The following RAB38 variants were observed in gnomAD, a reference collection of about 807,000 sequenced individuals.
RAB38 encodes the protein RAB38, member RAS oncogene family.
A neutral mutation model predicts 18.4 loss-of-function variants in RAB38; 15 were observed. The ratio of observed to expected loss-of-function variants is 0.82; its 90% CI spans 0.55 to 1.26. The LOEUF (loss-of-function observed/expected upper bound fraction) is 1.26, where lower values mean the gene tolerates loss of function less well. Ranked by LOEUF, RAB38 falls within the 50% of genes most tolerant of loss-of-function variation. The probability of loss-of-function intolerance (pLI) is 0.00; values close to 1 mark genes in which losing one functional copy is unlikely to be tolerated. For missense variants in RAB38, 294 were observed against 267.4 expected (o/e 1.10, Z -0.69); for synonymous variants, 101 against 104.4 (o/e 0.97, Z 0.20).
chr11:88,148,360 A>AT (rs1943018008), intron 2 of RAB38, among the ~76,000 whole-genome samples: 1 of 152,130 alleles, frequency 6.6e-6, no homozygotes, highest in South Asian at 2.1e-4. Flanking sequence ...TGCTTGCTTA[A>AT]TTGTGCTGGT....
At chr11:87,949,755 C>T in the RAB38 span, among the ~76,000 whole-genome samples, 11 of 152,124 alleles carry the variant, frequency 7.2e-5, no homozygotes, top group Non-Finnish European at 1.6e-4. Context: ...ATCTGAGAGA[C>T]AGTTTGTTAT....
the RAB38 span, among the ~76,000 whole-genome samples, chr11:87,948,207 G>T: frequency 1.3e-5 from 2 of 152,174 alleles, no homozygotes; most frequent in South Asian, 2.1e-4. Flanking sequence ...GTCTGTTATT[G>T]GTGTATAAGA....
At chr11:88,024,331 T>G in the RAB38 span, among the ~76,000 whole-genome samples, 1 of 152,176 alleles carries the variant, frequency 6.6e-6, no homozygotes, top group Non-Finnish European at 1.5e-5. Flanking sequence ...AAAACTATAA[T>G]GAACTATCAC....
chr11:87,829,027 T>A, the RAB38 span, among the ~76,000 whole-genome samples: 1 of 152,362 alleles, frequency 6.6e-6, no homozygotes, highest in East Asian at 1.9e-4. Context: ...GAAAGTACTC[T>A]GACAAATATC....
chr11:87,850,106 T>C, the RAB38 span, among the ~76,000 whole-genome samples: 6 of 152,248 alleles, frequency 3.9e-5, no homozygotes, highest in East Asian at 9.7e-4. Flanking sequence ...CATTAAAATC[T>C]TGAAAAGTTA....
the RAB38 span, among the ~76,000 whole-genome samples, chr11:88,084,652 T>G: frequency 1.3e-5 from 2 of 151,922 alleles, no homozygotes; most frequent in African/African-American, 2.4e-5. Flanking sequence ...CTTCTCTGAC[T>G]CTTTTTCTTC....
chr11:88,028,753 T>C, the RAB38 span, among the ~76,000 whole-genome samples: 3 of 152,168 alleles, frequency 2.0e-5, no homozygotes, highest in African/African-American at 2.4e-5. Context: ...CTACGTCTGA[T>C]TGGTGTACAT....
At chr11:88,121,592 T>A (rs1485410820) in intron 2 of RAB38, among the ~76,000 whole-genome samples, 1 of 151,704 alleles carries the variant, frequency 6.6e-6, no homozygotes, top group African/African-American at 2.4e-5. Flanking sequence ...AGACGGAGCC[T>A]CGCTCTGTCG....
the RAB38 span, among the ~76,000 whole-genome samples, chr11:88,060,834 C>T: frequency 4.6e-5 from 7 of 152,124 alleles, no homozygotes; most frequent in Non-Finnish European, 1.0e-4. Context: ...AAAAATCTAG[C>T]AGGTTATCTA....
chr11:88,140,655 G>A (rs1252302681), intron 2 of RAB38, among the ~76,000 whole-genome samples: 3 of 152,174 alleles, frequency 2.0e-5, no homozygotes, highest in African/African-American at 4.8e-5. Flanking sequence ...ATAAAGCTAG[G>A]AGGCACGTTC....
chr11:88,080,234 A>G, the RAB38 span, among the ~76,000 whole-genome samples: 1 of 151,754 alleles, frequency 6.6e-6, no homozygotes, highest in Non-Finnish European at 1.5e-5. Context: ...AAAACAAAAC[A>G]AAAAAATTAT....
the RAB38 span, among the ~76,000 whole-genome samples, chr11:88,094,351 A>G: frequency 1.3e-5 from 2 of 151,880 alleles, no homozygotes; most frequent in African/African-American, 4.8e-5. Flanking sequence ...ACATGGATCA[A>G]TTTTCTAATA....
At chr11:88,116,018 CT>C (rs1028021010) in intron 2 of RAB38, among the ~76,000 whole-genome samples, 1 of 152,232 alleles carries the variant, frequency 6.6e-6, no homozygotes, top group African/African-American at 2.4e-5. Flanking sequence ...GCCCCATCCC[CT>C]GTTGGGCAAC....
the RAB38 span, among the ~76,000 whole-genome samples, chr11:88,012,791 G>T: frequency 1.8e-4 from 27 of 152,212 alleles, no homozygotes; most frequent in Middle Eastern, 3.4e-3. Flanking sequence ...GTCCCAGTGG[G>T]TGCTTGAACA....
At chr11:88,127,522 G>C (rs1311572382) in intron 2 of RAB38, among the ~76,000 whole-genome samples, 1 of 152,118 alleles carries the variant, frequency 6.6e-6, no homozygotes, top group Non-Finnish European at 1.5e-5. Context: ...AGAGTAGAGG[G>C]GTTTGTGGAA....
the RAB38 span, among the ~76,000 whole-genome samples, chr11:87,829,851 T>C: frequency 6.6e-6 from 1 of 152,198 alleles, no homozygotes; most frequent in Non-Finnish European, 1.5e-5. Flanking sequence ...TCAACTTTAC[T>C]AATAGCACAT....
At chr11:88,030,472 A>T in the RAB38 span, among the ~76,000 whole-genome samples, 3 of 152,154 alleles carry the variant, frequency 2.0e-5, no homozygotes, top group Non-Finnish European at 4.4e-5. Context: ...CAAAATTGAT[A>T]GACTGCTAGC....
chr11:87,833,669 T>G, the RAB38 span, among the ~76,000 whole-genome samples: 1 of 152,348 alleles, frequency 6.6e-6, no homozygotes, highest in Admixed American at 6.5e-5. Flanking sequence ...GTGAAGAAAC[T>G]GAAGTACAGA....
chr11:88,151,933 C>A (rs57637753), intron 1 of RAB38, among the ~76,000 whole-genome samples: 1 of 152,182 alleles, frequency 6.6e-6, no homozygotes, highest in Non-Finnish European at 1.5e-5. Context: ...GTATTTCTTA[C>A]GTGGGTTATA....
Sources: allele counts gnomAD v4.1 joint callset (sites outside exome capture counted in the v4.1 genomes callset), GRCh38; gene constraint gnomAD v4.1.1; transcripts MANE v1.5; gene names NCBI Gene and HGNC (gene_info 2026-07-23, HGNC 2026-07-21).